Variants in HSD17B12 observed in about 807,000 individuals in gnomAD.
The protein encoded by HSD17B12 is very-long-chain 3-oxoacyl-CoA reductase.
A neutral mutation model predicts 39.3 loss-of-function variants in HSD17B12; 32 were observed. The observed-to-expected ratio is 0.81, with a 90% CI of 0.61 to 1.09. HSD17B12 has a LOEUF of 1.09. HSD17B12 is among the 50% of genes least tolerant of loss of function. The probability of loss-of-function intolerance (pLI) is 0.00; values close to 1 mark genes in which losing one functional copy is unlikely to be tolerated. For synonymous variants in HSD17B12, 150 were observed against 146.7 expected (o/e 1.02, Z -0.16); for missense variants, 342 against 382.9 (o/e 0.89, Z 0.89).
At chr11:43,585,081 T>A in the HSD17B12 span, among the ~76,000 whole-genome samples, 20 of 152,208 alleles carry the variant, frequency 1.3e-4, no homozygotes, top group South Asian at 6.2e-4. Flanking sequence ...GAAGGGTCAT[T>A]TGCCATGTGA....
the HSD17B12 span, among the ~76,000 whole-genome samples, chr11:43,604,624 G>A: frequency 6.6e-6 from 1 of 152,112 alleles, no homozygotes; most frequent in Admixed American, 6.5e-5. Context: ...ATTCATTACT[G>A]GCATCAAGTA....
chr11:43,721,389 T>C (rs536375477), intron 1 of HSD17B12, among the ~76,000 whole-genome samples: 2 of 151,964 alleles, frequency 1.3e-5, no homozygotes, highest in South Asian at 4.2e-4. Flanking sequence ...GAGGCTGAGG[T>C]GGGCAGATCA....
chr11:43,720,024 A>G (rs1950162294), intron 1 of HSD17B12, among the ~76,000 whole-genome samples: 2 of 152,370 alleles, frequency 1.3e-5, no homozygotes, highest in South Asian at 2.1e-4. Context: ...GGGTCTGCCT[A>G]TTGAAGAAAA....
At chr11:43,746,820 G>A (rs1013627101) in intron 1 of HSD17B12, among the ~76,000 whole-genome samples, 5 of 152,158 alleles carry the variant, frequency 3.3e-5, no homozygotes, top group African/African-American at 1.2e-4. Context: ...ATGACATTAT[G>A]ACAGCTACAG....
intron 1 of HSD17B12, among the ~76,000 whole-genome samples, chr11:43,721,464 A>G (rs950855303): frequency 6.6e-6 from 1 of 152,206 alleles, no homozygotes; most frequent in South Asian, 2.1e-4. Context: ...TAAAAATACA[A>G]AAACATTGGC....
the HSD17B12 span, among the ~76,000 whole-genome samples, chr11:43,668,709 A>G: frequency 6.6e-6 from 1 of 152,018 alleles, no homozygotes; most frequent in Non-Finnish European, 1.5e-5. Context: ...TAATATTATT[A>G]TATATATTTT....
At chr11:43,853,632 A>T (rs1269561976) in intron 9 of HSD17B12, 5 of 152,168 alleles carry the variant, frequency 3.3e-5, no homozygotes, top group Non-Finnish European at 1.5e-5. Context: ...TACAAAAAAA[A>T]TTTTAAATTA....
chr11:43,774,877 C>T (rs1165556561), intron 3 of HSD17B12, among the ~76,000 whole-genome samples: 1 of 152,114 alleles, frequency 6.6e-6, no homozygotes, highest in East Asian at 1.9e-4. Context: ...ATCATGGATG[C>T]CATTCTTGTG....
chr11:43,624,094 A>G, the HSD17B12 span, among the ~76,000 whole-genome samples: 20 of 152,126 alleles, frequency 1.3e-4, 1 homozygote, highest in East Asian at 3.9e-3. Context: ...AGATTTGAGC[A>G]GCCTGAACTA....
At chr11:43,820,390 CTT>C (rs1951170318) in intron 6 of HSD17B12, among the ~76,000 whole-genome samples, 1 of 152,194 alleles carries the variant, frequency 6.6e-6, no homozygotes, top group Non-Finnish European at 1.5e-5. Context: ...GTTTAGGACT[CTT>C]TGGTGCTGCT....
the HSD17B12 span, among the ~76,000 whole-genome samples, chr11:43,649,324 CAT>C: frequency 2.0e-5 from 3 of 151,862 alleles, no homozygotes; most frequent in South Asian, 2.1e-4. Flanking sequence ...TATATAATAT[CAT>C]ATTAATTTTT....
chr11:43,839,179 GA>G (rs1951399774), intron 8 of HSD17B12, among the ~76,000 whole-genome samples: 1 of 152,018 alleles, frequency 6.6e-6, no homozygotes, highest in African/African-American at 2.4e-5. Flanking sequence ...ACATTTCAGG[GA>G]AGGAAAAGAG....
chr11:43,729,206 C>G (rs934607909), intron 1 of HSD17B12, among the ~76,000 whole-genome samples: 22 of 152,198 alleles, frequency 1.4e-4, no homozygotes, highest in Admixed American at 6.5e-4. Context: ...TTTCAGATGT[C>G]CTTGCATCTT....
the HSD17B12 span, among the ~76,000 whole-genome samples, chr11:43,619,244 A>ATATATATATATGATATATATATAT: frequency 4.2e-4 from 19 of 45,360 alleles, no homozygotes; most frequent in South Asian, 3.2e-3. Context: ...TATATATATA[A>ATATATATATATGATATATATATAT]AATATATATA....
the HSD17B12 span, among the ~76,000 whole-genome samples, chr11:43,669,432 C>T: frequency 2.6e-5 from 4 of 150,996 alleles, no homozygotes; most frequent in African/African-American, 9.8e-5. Context: ...ACCTGGGAGG[C>T]GGAGGTTGCA....
chr11:43,750,476 C>T lies in HSD17B12; in HGVS notation c.161-435C>T, dbSNP rs538440738. On this transcript the variant is annotated intron_variant, in intron 1 of 10. Coordinates refer to ENST00000278353, the MANE Select transcript of HSD17B12 (RefSeq NM_016142.3). ...CATTGTTTGTCTATATCTCAATTTACTTATTCTTCTGTCGATTAATATTTA... is the reference window on the plus strand; with the variant it reads ...CATTGTTTGTCTATATCTCAATTTATTTATTCTTCTGTCGATTAATATTTA... Among the ~76,000 whole-genome samples the T allele has an allele frequency of 1.1e-4, 17 of 152,036 alleles. No homozygotes were observed. The South Asian group carries it at 3.5e-3, about 32-fold the overall frequency.
At chr11:43,772,544 C>A (rs1950659746) in intron 3 of HSD17B12, among the ~76,000 whole-genome samples, 1 of 152,144 alleles carries the variant, frequency 6.6e-6, no homozygotes, top group Non-Finnish European at 1.5e-5. Context: ...AGCAACATTG[C>A]CTCTGGGACT....
At chr11:43,590,600 G>A in the HSD17B12 span, among the ~76,000 whole-genome samples, 6 of 141,244 alleles carry the variant, frequency 4.2e-5, no homozygotes, top group Non-Finnish European at 7.5e-5. Context: ...TGCCTCCCAG[G>A]TTCAAGCAAT....
At chr11:43,821,160 G>GTTTTAC (rs1951179006) in intron 6 of HSD17B12, among the ~76,000 whole-genome samples, 1 of 152,070 alleles carries the variant, frequency 6.6e-6, no homozygotes, top group Non-Finnish European at 1.5e-5. Flanking sequence ...TCATCCGATG[G>GTTTTAC]TTTTACTTTT....
Sources: allele counts gnomAD v4.1 joint callset (sites outside exome capture counted in the v4.1 genomes callset), GRCh38; gene constraint gnomAD v4.1.1; transcripts MANE v1.5; gene names NCBI Gene and HGNC (gene_info 2026-07-23, HGNC 2026-07-21).